The following SEMA6A variants were observed in gnomAD, a reference collection of about 807,000 sequenced individuals.
SEMA6A encodes semaphorin-6A.
In SEMA6A, 25 loss-of-function variants were observed where a neutral mutation model predicts 96.8. The ratio of observed to expected loss-of-function variants is 0.26; its 90% CI spans 0.19 to 0.36. The LOEUF is 0.36. Among genes scored for constraint, SEMA6A ranks in the 10% least tolerant of loss-of-function variants. The pLI is 1.00. For missense variants in SEMA6A, 1,363 were observed against 1,323.1 expected, an observed-to-expected ratio of 1.03 and a Z score of -0.47; for synonymous variants, 612 against 518.0, an observed-to-expected ratio of 1.18 and a Z score of -2.46.
rs1315424326 is a variant in SEMA6A at position 116,540,030 on chromosome 5, CT to C, written c.-39+34154del. 6.6e-5 allele frequency among the ~76,000 whole-genome samples: 10 copies of C among 152,080 alleles called. No individual in the cohort carries two copies. In the South Asian group the frequency reaches 1.7e-3, roughly 25 times the overall value. On this transcript the variant is annotated intron_variant, in intron 1 of 18. Transcript: ENST00000343348. ...GTTCGTTTTCCTTTCATTGCAAGTTCTTTTTTTCTTATTTTCTTGCGCTAAA... is the reference window on the plus strand; with the variant it reads ...GTTCGTTTTCCTTTCATTGCAAGTTCTTTTTTCTTATTTTCTTGCGCTAAA...
At chr5:116,490,806 T>G (rs147898884) in intron 7 of SEMA6A, among the ~76,000 whole-genome samples, 177 of 152,328 alleles carry the variant, frequency 1.2e-3, no homozygotes, top group African/African-American at 4.2e-3. Flanking sequence ...ATGGAAATTA[T>G]AGCTAACTGC....
intron 1 of SEMA6A, among the ~76,000 whole-genome samples, chr5:116,507,471 G>A (rs1377851466): frequency 1.3e-5 from 2 of 152,114 alleles, no homozygotes; most frequent in East Asian, 1.9e-4. Flanking sequence ...CTAAGATGAC[G>A]CAATACAGAC....
chr5:116,471,681 C>T (rs1439844982), intron 17 of SEMA6A: 1 of 152,220 alleles, frequency 6.6e-6, no homozygotes, highest in Non-Finnish European at 1.5e-5. Flanking sequence ...CACTGCCTTA[C>T]TTCACAAGGA....
intron 1 of SEMA6A, among the ~76,000 whole-genome samples, chr5:116,572,944 C>A (rs1168894643): frequency 6.6e-6 from 1 of 152,134 alleles, no homozygotes; most frequent in East Asian, 1.9e-4. Flanking sequence ...GGCGGAGGGG[C>A]GGCGAGGGAG....
intron 1 of SEMA6A, among the ~76,000 whole-genome samples, chr5:116,519,269 T>A (rs1448701972): frequency 2.6e-5 from 4 of 152,206 alleles, no homozygotes; most frequent in Admixed American, 2.6e-4. Context: ...TGAGGAGTCA[T>A]TATCAATAAT....
At position 116,530,207 on chromosome 5, in the gene SEMA6A, T is replaced by G. The variant is rs750380152; in HGVS notation, c.-38-25225A>C. On this transcript the variant is annotated intron_variant, in intron 1 of 18. Transcript: ENST00000343348. ...ATATCTTAGAAGAGAAATATCTCAGTGTTTACATTACTTTCATGCCAACAT... is the reference window on the plus strand; with the variant it reads ...ATATCTTAGAAGAGAAATATCTCAGGGTTTACATTACTTTCATGCCAACAT... Among the ~76,000 whole-genome samples the G allele has an allele frequency of 2.7e-4, 41 of 152,146 alleles. 1 individual carries two copies. Among genetic ancestry groups the G allele is most frequent in the Non-Finnish European group, 5.1e-4 (35 of 68,018 alleles).
chr5:116,569,884 GGAGCTAC>G (rs1228969594), intron 1 of SEMA6A, among the ~76,000 whole-genome samples: 2 of 152,312 alleles, frequency 1.3e-5, no homozygotes, highest in Non-Finnish European at 2.9e-5. Flanking sequence ...CTATTCAGGA[GGAGCTAC>G]CTACCCACTA....
At chr5:116,490,060 T>A (rs58441924) in intron 7 of SEMA6A, among the ~76,000 whole-genome samples, 1 of 152,210 alleles carries the variant, frequency 6.6e-6, no homozygotes, top group African/African-American at 2.4e-5. Context: ...TTGTTTGTTT[T>A]AAAAAAACTC....
At chr5:116,476,314 C>T (rs1756443200) in intron 15 of SEMA6A, among the ~76,000 whole-genome samples, 1 of 152,184 alleles carries the variant, frequency 6.6e-6, no homozygotes, top group African/African-American at 2.4e-5. Flanking sequence ...CCAGAGTCAC[C>T]TTCCTTTGGG....
intron 1 of SEMA6A, among the ~76,000 whole-genome samples, chr5:116,567,275 T>G (rs1428521002): frequency 6.6e-6 from 1 of 152,106 alleles, no homozygotes; most frequent in African/African-American, 2.4e-5. Context: ...TTAAAACCCA[T>G]GACATTATGG....
At chr5:116,507,173 T>C (rs903812732) in intron 1 of SEMA6A, among the ~76,000 whole-genome samples, 5 of 152,230 alleles carry the variant, frequency 3.3e-5, no homozygotes, top group African/African-American at 9.6e-5. Context: ...ATAGCTGTTT[T>C]ATATGTCTTT....
At chr5:116,505,216 A>C (rs1408406383) in intron 1 of SEMA6A, among the ~76,000 whole-genome samples, 1 of 152,156 alleles carries the variant, frequency 6.6e-6, no homozygotes, top group Non-Finnish European at 1.5e-5. Context: ...AAAGAGCTTT[A>C]GTTCCTTTAT....
At chr5:116,476,429 C>T (rs1170149666) in intron 15 of SEMA6A, among the ~76,000 whole-genome samples, 2 of 152,272 alleles carry the variant, frequency 1.3e-5, no homozygotes, top group African/African-American at 2.4e-5. Flanking sequence ...AAAGTCACAG[C>T]TTGATCTAAT....
intron 1 of SEMA6A, among the ~76,000 whole-genome samples, chr5:116,548,693 C>T (rs187654541): frequency 2.5e-3 from 379 of 152,290 alleles, no homozygotes; most frequent in African/African-American, 8.9e-3. Context: ...TAGACCAAGT[C>T]AACAGAAGAG....
chr5:116,502,228 G>T lies in SEMA6A; in HGVS notation c.200C>A (p.Thr67Asn), dbSNP rs1038753254. The T allele has an allele frequency of 4.3e-6, 7 of 1,613,744 alleles. No homozygotes were observed. Among genetic ancestry groups the T allele is most frequent in the African/African-American group, 1.3e-5 (1 of 74,930 alleles). ...CCCTTACCTAGCAGCAATGTAGAGGGTTCCGTTCATGATCATAATCATCTG... is the reference window on the plus strand; with the variant it reads ...CCCTTACCTAGCAGCAATGTAGAGGTTTCCGTTCATGATCATAATCATCTG... ...DIQMIMIMNG[T>N]LYIAARDHIY... Residue 67 changes from threonine to asparagine, a missense_variant, in exon 3 of 19, where the codon ACC becomes AAC. By Grantham distance (65) the Thr-to-Asn change is moderately conservative. Coordinates refer to ENST00000343348, the MANE Select transcript of SEMA6A (RefSeq NM_020796.5).
Position 116,447,584 on chromosome 5 carries a change from G to C in SEMA6A, c.2122C>G (p.Leu708Val), listed in dbSNP as rs372241397. The change falls in exon 19 of 19, where the codon CTC becomes GTC. Residue 708 changes from leucine (L) to valine (V), a missense_variant. Physicochemically the swap from Leu to Val is conservative, Grantham distance 32 (BLOSUM62 1). This residue lies in a region of SEMA6A where 883 missense variants were observed against 763.6 expected (regional missense o/e 1.16). Transcript: ENST00000343348. ...SMSSVTKLSG[L>V]FGDTQSKDPK... Reference sequence around the variant, plus strand: ...TCTTTGGATTGAGTGTCCCCAAAGAGGCCGCTGAGCTTGGTGACGCTGCTC... The same window carrying C: ...TCTTTGGATTGAGTGTCCCCAAAGACGCCGCTGAGCTTGGTGACGCTGCTC... 6.2e-7 allele frequency: 1 copy of C among 1,613,942 alleles called. No individual in the cohort carries two copies. The highest frequency in any genetic ancestry group is 1.3e-5 in the African/African-American group (1 of 74,942).
In SEMA6A at chr5:116,478,359, A is replaced by AAC. The variant is rs151262590; in HGVS notation, c.1427+181_1427+182dup. 515 of 760,052 alleles carry AAC rather than the reference A, an allele frequency of 6.8e-4. 4 individuals are homozygous for AAC. The South Asian group carries it at 8.0e-3, about 12-fold the overall frequency. 47.1% of individuals were successfully genotyped at this position (760,052 alleles called of 1,614,324 possible). A position where few individuals can be genotyped will look rare whatever the true frequency, so the allele number is the denominator to read the frequency against. On this transcript the variant is annotated intron_variant, in intron 13 of 18. Coordinates refer to ENST00000343348, the MANE Select transcript of SEMA6A (RefSeq NM_020796.5). ...ACACACACATATATGTATCTATATAAACACACACACACACATTGGCAAGGA... is the reference window on the plus strand; with the variant it reads ...ACACACACATATATGTATCTATATAAACACACACACACACACATTGGCAAGGA...
At chr5:116,553,259 T>C (rs558901701) in intron 1 of SEMA6A, among the ~76,000 whole-genome samples, 16 of 152,218 alleles carry the variant, frequency 1.1e-4, no homozygotes, top group Non-Finnish European at 2.1e-4. Context: ...ATCCATTAAG[T>C]ATAATCTTAG....
At chr5:116,475,650 G>GT in intron 15 of SEMA6A, 47 bp from the exon 16 acceptor site, 1 of 1,393,566 alleles carries the variant, frequency 7.2e-7, no homozygotes, top group Non-Finnish European at 1.0e-6. Flanking sequence ...ATACAATAAC[G>GT]TGAGTCTTCA....
Sources: gnomAD v4.1 joint callset for allele counts (sites outside exome capture counted in the v4.1 genomes callset) on GRCh38, gnomAD v4.1.1 for gene constraint, gnomAD v4.1.1 regional missense constraint, MANE v1.5 for transcripts, NCBI Gene and HGNC (gene_info 2026-07-23, HGNC 2026-07-21) for gene names.